The following ANKDD1A variants were observed in gnomAD, a reference collection of about 807,000 sequenced individuals.
The protein encoded by ANKDD1A is ankyrin repeat and death domain containing 1A, also known as ankyrin repeat and death domain-containing protein 1A.
ANKDD1A carries 59 observed loss-of-function variants against 63.5 expected under a neutral mutation model. That is an observed-to-expected ratio of 0.93 (90% CI 0.75 to 1.15). ANKDD1A has a LOEUF of 1.15. Ranked by LOEUF, ANKDD1A falls within the 50% of genes most tolerant of loss-of-function variation. The pLI is 0.00. For missense variants in ANKDD1A, 632 were observed against 656.4 expected (o/e 0.96, Z 0.41); for synonymous variants, 266 against 263.9 (o/e 1.01, Z -0.08).
chr15:64,918,313 C>T (rs933572792), intron 3 of ANKDD1A, among the ~76,000 whole-genome samples: 1 of 152,178 alleles, frequency 6.6e-6, no homozygotes, highest in Admixed American at 6.5e-5. Flanking sequence ...CTTAGTTGTC[C>T]ATGAAAACAA....
intron 14 of ANKDD1A, among the ~76,000 whole-genome samples, chr15:64,951,987 CTTCT>C (rs1343685001): frequency 2.6e-4 from 37 of 141,044 alleles, no homozygotes; most frequent in African/African-American, 7.7e-4. Context: ...CCTTCTTATT[CTTCT>C]TTCTTTTCTT....
chr15:64,932,481 C>G (rs140634781), intron 8 of ANKDD1A: 1 of 152,246 alleles, frequency 6.6e-6, no homozygotes, highest in Non-Finnish European at 1.5e-5. Flanking sequence ...CTCATCAGTT[C>G]TGCCAGTAAA....
chr15:64,956,542 G>A (rs2085418544), intron 14 of ANKDD1A, among the ~76,000 whole-genome samples: 1 of 139,436 alleles, frequency 7.2e-6, no homozygotes, highest in African/African-American at 2.5e-5. Flanking sequence ...GACAGAGCAA[G>A]ACTCTGTCTC....
At position 64,933,026 on chromosome 15, in the gene ANKDD1A, G is replaced by A. The variant is rs566107748; in HGVS notation, c.769-1110G>A. ...GTGGGGGGCTGGAGCTGCTCATCAC[G>A]CCAGGCCTTTTGCTCCAACCTCAGC... On this transcript the variant is annotated intron_variant, in intron 8 of 14. Coordinates refer to ENST00000319580, the MANE Select transcript of ANKDD1A (RefSeq NM_182703.6). 2.6e-5 allele frequency among the ~76,000 whole-genome samples: 4 copies of A among 151,366 alleles called. No individual in the cohort carries two copies. The East Asian group carries it at 5.9e-4, about 22-fold the overall frequency.
At chr15:64,951,703 CTTATT>C (rs1167166903) in intron 14 of ANKDD1A, among the ~76,000 whole-genome samples, 1 of 18,304 alleles carries the variant, frequency 5.5e-5, no homozygotes, top group African/African-American at 1.2e-4. Flanking sequence ...CTTCTTCTTC[CTTATT>C]TTCTTTTTCT....
intron 1 of ANKDD1A, among the ~76,000 whole-genome samples, chr15:64,915,323 C>T (rs1356018792): frequency 6.6e-6 from 1 of 152,240 alleles, no homozygotes; most frequent in Non-Finnish European, 1.5e-5. Flanking sequence ...AACAAGGAGA[C>T]GGAATGTGCA....
chr15:64,957,348 T>TA lies in ANKDD1A; in HGVS notation c.*161dup, dbSNP rs1478450532. On this transcript the variant is annotated 3_prime_UTR_variant, in exon 15 of 15. Transcript: ENST00000319580. Reference sequence around the variant, plus strand: ...AAGAGTAGAATACTTTCTGTGTTTTTATCTTATACACATGAATAAATGCTA... The same window carrying TA: ...AAGAGTAGAATACTTTCTGTGTTTTTAATCTTATACACATGAATAAATGCTA... 2.6e-5 allele frequency: 6 copies of TA among 230,058 alleles called. No individual in the cohort carries two copies. The highest frequency in any genetic ancestry group is 1.4e-4 in the African/African-American group (6 of 41,980). The allele number at this position is 230,058 out of a possible 1,614,324, so 14.3% of individuals were successfully genotyped here. A position where few individuals can be genotyped will look rare whatever the true frequency, so the allele number is the denominator to read the frequency against.
intron 3 of ANKDD1A, 88 bp from the exon 4 acceptor site, chr15:64,921,833 G>A (rs2085008637): frequency 2.7e-6 from 3 of 1,113,376 alleles, no homozygotes; most frequent in Non-Finnish European, 2.7e-6. Context: ...CCTTCTGGTT[G>A]TATGGTTTAG....
At chr15:64,922,716 A>G (rs1433732769) in intron 4 of ANKDD1A, among the ~76,000 whole-genome samples, 3 of 152,148 alleles carry the variant, frequency 2.0e-5, no homozygotes, top group Non-Finnish European at 4.4e-5. Context: ...ATCTCAGCTC[A>G]CTGCAACCTC....
chr15:64,928,788 G>A (rs1016028321), intron 6 of ANKDD1A, among the ~76,000 whole-genome samples: 47 of 152,262 alleles, frequency 3.1e-4, no homozygotes, highest in African/African-American at 9.4e-4. Context: ...CCGGGCCCAC[G>A]CCAAGGCTGC....
intron 1 of ANKDD1A, among the ~76,000 whole-genome samples, chr15:64,913,274 A>G (rs759156805): frequency 6.6e-6 from 1 of 152,204 alleles, no homozygotes; most frequent in Non-Finnish European, 1.5e-5. Context: ...GGATGTGACT[A>G]GCCCAGGATC....
chr15:64,945,431 C>G (rs760631112), intron 12 of ANKDD1A, among the ~76,000 whole-genome samples: 1 of 151,618 alleles, frequency 6.6e-6, no homozygotes, highest in Admixed American at 6.6e-5. Context: ...CTGTTTTTCA[C>G]TTCAATATAG....
At chr15:64,915,344 A>C (rs1482634126) in intron 1 of ANKDD1A, among the ~76,000 whole-genome samples, 1 of 152,206 alleles carries the variant, frequency 6.6e-6, no homozygotes, top group African/African-American at 2.4e-5. Context: ...GGAGTGGGGT[A>C]AACATGCCTC....
At chr15:64,952,580 CTT>C (rs775427447) in intron 14 of ANKDD1A, among the ~76,000 whole-genome samples, 2 of 27,588 alleles carry the variant, frequency 7.2e-5, no homozygotes. Context: ...TCTTCTCCTT[CTT>C]TTCTTCTTCT....
intron 9 of ANKDD1A, among the ~76,000 whole-genome samples, chr15:64,936,952 A>G (rs2085138658): frequency 6.6e-6 from 1 of 152,194 alleles, no homozygotes; most frequent in Non-Finnish European, 1.5e-5. Flanking sequence ...AGAAAAGGAA[A>G]CACAGAGGAT....
At chr15:64,935,858 G>C (rs757351502) in intron 9 of ANKDD1A, among the ~76,000 whole-genome samples, 91 of 152,038 alleles carry the variant, frequency 6.0e-4, no homozygotes, top group Admixed American at 1.1e-3. Flanking sequence ...AAAAAAAAAA[G>C]TAGTGGGAGT....
chr15:64,950,313 T>G, intron 14 of ANKDD1A: 2 of 985,368 alleles, frequency 2.0e-6, no homozygotes, highest in South Asian at 4.7e-5. Context: ...ACCTCCAGAC[T>G]TTTTTCACAA....
At position 64,946,715 on chromosome 15, in the gene ANKDD1A, G is replaced by A. The variant is rs554970890; in HGVS notation, c.1162-689G>A. ...CTGAAAACACTGCCCCAGGGGACCAGTTTTTAATACCCCAGGTGAGAACCA... is the reference window on the plus strand; with the variant it reads ...CTGAAAACACTGCCCCAGGGGACCAATTTTTAATACCCCAGGTGAGAACCA... On this transcript the variant is annotated intron_variant, in intron 12 of 14. Coordinates refer to ENST00000319580, the MANE Select transcript of ANKDD1A (RefSeq NM_182703.6). Among the ~76,000 whole-genome samples the A allele has an allele frequency of 5.3e-5, 8 of 152,288 alleles. 1 individual carries two copies. The East Asian group carries it at 1.3e-3, about 26-fold the overall frequency.
At chr15:64,918,336 C>T (rs1038052986) in intron 3 of ANKDD1A, among the ~76,000 whole-genome samples, 5 of 152,196 alleles carry the variant, frequency 3.3e-5, no homozygotes, top group South Asian at 2.1e-4. Flanking sequence ...TTCTTTGTTC[C>T]GGCTTCTCTC....
Sources: gnomAD v4.1 joint callset for allele counts (sites outside exome capture counted in the v4.1 genomes callset) on GRCh38, gnomAD v4.1.1 for gene constraint, MANE v1.5 for transcripts, NCBI Gene and HGNC (gene_info 2026-07-23, HGNC 2026-07-21) for gene names.